The following NOX5 variants were observed in gnomAD, a reference collection of about 807,000 sequenced individuals.
NOX5 encodes the protein NADPH oxidase 5, also known as NADPH oxidase, EF-hand calcium binding domain 5.
Under a neutral mutation model 85.7 loss-of-function variants are expected in NOX5, and 76 were observed. The ratio of observed to expected loss-of-function variants is 0.89; its 90% CI spans 0.74 to 1.07. NOX5 has a LOEUF of 1.07. Among genes scored for constraint, NOX5 ranks in the 50% least tolerant of loss-of-function variants. The probability of loss-of-function intolerance (pLI) is 0.00; values close to 1 mark genes in which losing one functional copy is unlikely to be tolerated. For missense variants in NOX5, 973 were observed against 999.5 expected, an observed-to-expected ratio of 0.97 and a Z score of 0.36; for synonymous variants, 405 against 401.4, an observed-to-expected ratio of 1.01 and a Z score of -0.11.
chr15:69,047,007 G>A (rs1417465776), intron 11 of NOX5, 141 bp downstream of exon 11: 26 of 820,548 alleles, frequency 3.2e-5, no homozygotes, highest in Admixed American at 2.0e-4. Context: ...CCAGGTATCC[G>A]GGTCATGTAA....
In NOX5 at chr15:69,031,784, C is replaced by T. The variant is rs1466864762; in HGVS notation, c.592C>T (p.Pro198Ser). The T allele has an allele frequency of 1.2e-6, 2 of 1,604,388 alleles. No individual in the cohort carries two copies. Among genetic ancestry groups the T allele is most frequent in the African/African-American group, 1.3e-5 (1 of 74,788 alleles). The part of the protein sequence containing the change: ...EELRDELQRF[P>S]GVMENLTISA... The stretch of plus-strand genomic sequence containing the variant: ...GCTCCGGGACGAGCTGCAGCGCTTC[C>T]CCGGAGTCATGGAGAACCTGACCAT... The change falls in exon 4 of 16, where the codon CCC (proline) becomes TCC (serine). Residue 198 changes from proline to serine, a missense_variant. Transcript: ENST00000388866.
In NOX5 at chr15:69,047,205, G is replaced by A. The variant is rs1212903863; in HGVS notation, c.1693-208G>A. 9.4e-6 allele frequency: 6 copies of A among 641,258 alleles called. No homozygotes were observed. The Admixed American group carries it at 9.8e-5, about 10-fold the overall frequency. The allele number at this position is 641,258 out of a possible 1,614,324, so 39.7% of individuals were successfully genotyped here. A position where few individuals can be genotyped will look rare whatever the true frequency, so the allele number is the denominator to read the frequency against. ...TCCTTGTTTTCACTAGCTCTGCACT[G>A]TAACACCTAGAGCTCTCCCCAGACT... On this transcript the variant is annotated intron_variant, in intron 11 of 15. Coordinates refer to ENST00000388866, the MANE Select transcript of NOX5 (RefSeq NM_024505.4).
intron 9 of NOX5, among the ~76,000 whole-genome samples, chr15:69,040,840 G>A (rs887859860): frequency 3.9e-5 from 6 of 151,970 alleles, no homozygotes; most frequent in African/African-American, 1.5e-4. Flanking sequence ...ACCATGCATG[G>A]CTAATTTTTT....
In NOX5 at chr15:69,024,963, T is replaced by A. The variant is rs542948091; in HGVS notation, c.51-1565T>A. 7.9e-5 allele frequency among the ~76,000 whole-genome samples: 12 copies of A among 152,344 alleles called. No individual in the cohort carries two copies. The South Asian group carries it at 2.1e-3, about 26-fold the overall frequency. On this transcript the variant is annotated intron_variant, in intron 1 of 15. Transcript: ENST00000388866. Reference sequence around the variant, plus strand: ...TGTATTTCATTCTTTGTCTAGTTGCTTATGTGAAAACTATTACATTTATTT... The same window carrying A: ...TGTATTTCATTCTTTGTCTAGTTGCATATGTGAAAACTATTACATTTATTT...
chr15:69,044,228 A>C (rs1490720239), intron 10 of NOX5, among the ~76,000 whole-genome samples: 1 of 152,076 alleles, frequency 6.6e-6, no homozygotes, highest in African/African-American at 2.4e-5. Flanking sequence ...AAAACATAGT[A>C]ATTTCCTTGT....
chr15:69,017,227 C>T (rs1055959035), intron 1 of NOX5, among the ~76,000 whole-genome samples: 14 of 152,136 alleles, frequency 9.2e-5, no homozygotes, highest in African/African-American at 3.1e-4. Flanking sequence ...TCTTGGCTCA[C>T]TACAACCTCC....
At chr15:69,039,993 A>G (rs569963940) in intron 9 of NOX5, among the ~76,000 whole-genome samples, 1 of 152,212 alleles carries the variant, frequency 6.6e-6, no homozygotes, top group Non-Finnish European at 1.5e-5. Context: ...GCTTGGCTTC[A>G]TGAGGGGTAT....
In NOX5 at chr15:69,058,779, T is replaced by C. The variant is rs888373361; in HGVS notation, c.*2083T>C. 1 of 152,228 alleles carries C rather than the reference T, an allele frequency of 6.6e-6. No individual in the cohort carries two copies. The highest frequency in any genetic ancestry group is 1.5e-5 in the Non-Finnish European group (1 of 68,058). 9.4% of individuals were successfully genotyped at this position (152,228 alleles called of 1,614,324 possible). A position where few individuals can be genotyped will look rare whatever the true frequency, so the allele number is the denominator to read the frequency against. ...CACTCTTGGAACCTCTTTCCCTCTG[T>C]TGAGTCTGTACTTTCCCCTCTTCAT... On this transcript the variant is annotated 3_prime_UTR_variant, in exon 16 of 16. Transcript: ENST00000388866.
At chr15:69,024,480 C>T (rs1184672713) in intron 1 of NOX5, among the ~76,000 whole-genome samples, 2 of 152,110 alleles carry the variant, frequency 1.3e-5, no homozygotes, top group Non-Finnish European at 1.5e-5. Context: ...ATACACGCTG[C>T]CCATCCCTCA....
At chr15:69,015,309 GTC>G (rs2050218105) in intron 1 of NOX5, among the ~76,000 whole-genome samples, 1 of 152,112 alleles carries the variant, frequency 6.6e-6, no homozygotes, top group South Asian at 2.1e-4. Flanking sequence ...GGCTGTCCCA[GTC>G]TCTTCTCAGC....
rs942921888 is a variant in NOX5 at position 69,033,099 on chromosome 15, A to G, written c.677A>G (p.Gln226Arg). Residue 226 changes from glutamine (Q) to arginine (R), a missense_variant, in exon 5 of 16, where the codon CAG becomes CGG. By Grantham distance (43) the Gln-to-Arg change is conservative. Transcript: ENST00000388866. ...CGCCCACGCCCGCGCCGGCCGCGCC[A>G]GCTGACCCGCGCCTACTGGCACAAC... The part of the protein sequence containing the change: ...APRPRPRRPR[Q>R]LTRAYWHNHR... The G allele has an allele frequency of 1.0e-5, 16 of 1,546,478 alleles. No individual in the cohort carries two copies. The highest frequency in any genetic ancestry group is 1.9e-5 in the Admixed American group (1 of 53,000).
intron 2 of NOX5, among the ~76,000 whole-genome samples, chr15:69,027,640 C>T (rs1212363281): frequency 1.3e-5 from 2 of 152,172 alleles, no homozygotes; most frequent in Non-Finnish European, 2.9e-5. Flanking sequence ...TAACACCAGG[C>T]CTGGCAGGCA....
intron 1 of NOX5, among the ~76,000 whole-genome samples, chr15:69,026,213 T>C (rs1455297903): frequency 6.6e-6 from 1 of 152,238 alleles, no homozygotes; most frequent in Non-Finnish European, 1.5e-5. Context: ...TGTTAATTAA[T>C]GCAGTCGCAG....
chr15:69,017,450 C>T (rs1284129473), intron 1 of NOX5, among the ~76,000 whole-genome samples: 2 of 152,178 alleles, frequency 1.3e-5, no homozygotes, highest in Non-Finnish European at 1.5e-5. Context: ...CTGCGGCCGG[C>T]CAGACGTTCC....
intron 1 of NOX5, among the ~76,000 whole-genome samples, chr15:69,018,422 G>A (rs542147662): frequency 2.6e-5 from 4 of 152,142 alleles, no homozygotes; most frequent in Non-Finnish European, 5.9e-5. Flanking sequence ...GTCTCCATAA[G>A]CCCTTATTTT....
intron 14 of NOX5, among the ~76,000 whole-genome samples, chr15:69,051,080 CCTT>C (rs2050742757): frequency 6.6e-6 from 1 of 152,216 alleles, no homozygotes; most frequent in African/African-American, 2.4e-5. Context: ...CTGCATCTCT[CCTT>C]CTCTCCTTCT....
intron 4 of NOX5, 77 bp from the exon 5 acceptor site, chr15:69,032,966 A>G: frequency 1.3e-6 from 2 of 1,506,608 alleles, no homozygotes; most frequent in Non-Finnish European, 1.7e-6. Context: ...CCATAGCTTG[A>G]AGGGGGTCTT....
At chr15:69,017,749 G>A (rs1335701251) in intron 1 of NOX5, among the ~76,000 whole-genome samples, 2 of 151,504 alleles carry the variant, frequency 1.3e-5, no homozygotes, top group East Asian at 3.9e-4. Context: ...GTATTTTATA[G>A]TTTGACTCTT....
intron 13 of NOX5, among the ~76,000 whole-genome samples, chr15:69,048,495 T>A (rs765870458): frequency 6.6e-6 from 1 of 151,812 alleles, no homozygotes; most frequent in Non-Finnish European, 1.5e-5. Context: ...ACCACACCAC[T>A]GCACTCCAGC....
Sources: gnomAD v4.1 joint callset for allele counts (sites outside exome capture counted in the v4.1 genomes callset) on GRCh38, gnomAD v4.1.1 for gene constraint, MANE v1.5 for transcripts, NCBI Gene and HGNC (gene_info 2026-07-23, HGNC 2026-07-21) for gene names.